Variants in TMEM30B observed in about 807,000 individuals in gnomAD.
TMEM30B encodes the protein cell cycle control protein 50B.
A neutral mutation model predicts 27.9 loss-of-function variants in TMEM30B; 25 were observed. The observed-to-expected ratio is 0.89, with a 90% confidence interval of 0.65 to 1.25. The LOEUF (loss-of-function observed/expected upper bound fraction) is 1.25. Ranked by LOEUF, TMEM30B falls within the 50% of genes most tolerant of loss-of-function variation. The pLI is 0.00. For missense variants in TMEM30B, 536 were observed against 506.5 expected (o/e 1.06, Z -0.56); for synonymous variants, 248 against 238.5 (o/e 1.04, Z -0.37).
Position 61,281,162 on chromosome 14 carries a change from G to T in TMEM30B, c.-15C>A. ...CTCCAGGTCATGGCGGCCGCGCGGGGACCGACGCGCGGGCTGACCGAGTGG... is the reference window on the plus strand; with the variant it reads ...CTCCAGGTCATGGCGGCCGCGCGGGTACCGACGCGCGGGCTGACCGAGTGG... On this transcript the variant is annotated 5_prime_UTR_variant, in exon 1 of 1. Transcript: ENST00000555868. The T allele has an allele frequency of 7.6e-7, 1 of 1,313,108 alleles. No homozygotes were observed. The highest frequency in any genetic ancestry group is 9.7e-7 in the Non-Finnish European group (1 of 1,032,476). The allele number at this position is 1,313,108 out of a possible 1,614,324, so 81.3% of individuals were successfully genotyped here. A position where few individuals can be genotyped will look rare whatever the true frequency, so the allele number is the denominator to read the frequency against.
chr14:61,280,864 GC>G lies in TMEM30B; in HGVS notation c.283del (p.Ala95ProfsTer20). 1 of 1,568,820 alleles carries G rather than the reference GC, an allele frequency of 6.4e-7. No individual in the cohort carries two copies. Among genetic ancestry groups the G allele is most frequent in the Non-Finnish European group, 8.6e-7 (1 of 1,165,532 alleles). On this transcript the variant is annotated frameshift_variant, in exon 1 of 1. Coordinates refer to ENST00000555868, the MANE Select transcript of TMEM30B (RefSeq NM_001017970.3). LOFTEE classifies it high-confidence loss of function. This position sits in a 1 kb window ranked among gnomAD's most constrained non-coding sequence, Gnocchi z 5.0. ...GAGCTCGGGCAGCGAGAAGTACCAG[GC>G]GCACGAGCAGGGGGGCGGCAGCGCC... is the stretch of plus-strand genomic sequence containing the variant. ...GRALPPPCSC[A>X]WYFSLPELFQ... is the part of the protein sequence containing the mutation.
chr14:61,280,905 C>T lies in TMEM30B; in HGVS notation c.243G>A (p.Ala81=). Reference sequence around the variant, plus strand: ...GCGGCAGCGCCCGGCCCTGGCCAGCCGCGGCGCACACCGAGCAGTTACCGG... The same window carrying T: ...GCGGCAGCGCCCGGCCCTGGCCAGCTGCGGCGCACACCGAGCAGTTACCGG... ...PGTGNCSVCA[A]AGQGRALPPP... is the part of the protein sequence containing the mutation. The change falls in exon 1 of 1, where the codon GCG becomes GCA. Residue 81 remains alanine, a synonymous_variant. Coordinates refer to ENST00000555868, the MANE Select transcript of TMEM30B (RefSeq NM_001017970.3). The surrounding 1 kb of genome is among the most constrained non-coding windows in gnomAD (Gnocchi z 5.0). The T allele has an allele frequency of 6.5e-7, 1 of 1,546,794 alleles. No individual in the cohort carries two copies. Among genetic ancestry groups the T allele is most frequent in the Non-Finnish European group, 8.7e-7 (1 of 1,152,030 alleles).
At position 61,281,298 on chromosome 14, in the gene TMEM30B, C is replaced by T. The variant is rs1283088871; in HGVS notation, c.-151G>A. On this transcript the variant is annotated 5_prime_UTR_variant, in exon 1 of 1. Coordinates refer to ENST00000555868, the MANE Select transcript of TMEM30B (RefSeq NM_001017970.3). The stretch of plus-strand genomic sequence containing the variant: ...GTTTTTGCCCGGGCCCCTCCTCTGC[C>T]TCCGTCACAGGTGAGTTTAGTTCCA... 2.5e-6 allele frequency: 1 copy of T among 400,808 alleles called. No individual in the cohort carries two copies. The highest frequency in any genetic ancestry group is 2.1e-5 in the African/African-American group (1 of 47,362). The allele number at this position is 400,808 out of a possible 1,614,324, so 24.8% of individuals were successfully genotyped here. A position where few individuals can be genotyped will look rare whatever the true frequency, so the allele number is the denominator to read the frequency against.
rs2140092759 is a variant in TMEM30B at position 61,280,881 on chromosome 14, C to A, written c.267G>T (p.Pro89=). Residue 89 remains proline (P), a synonymous_variant, in exon 1 of 1, where the codon CCG becomes CCT. Transcript: ENST00000555868. The surrounding 1 kb of genome is among the most constrained non-coding windows in gnomAD (Gnocchi z 5.0). The stretch of plus-strand genomic sequence containing the variant: ...AGTACCAGGCGCACGAGCAGGGGGG[C>A]GGCAGCGCCCGGCCCTGGCCAGCCG... The part of the protein sequence containing the change: ...CAAAGQGRAL[P]PPCSCAWYFS... 3 of 1,553,642 alleles carry A rather than the reference C, an allele frequency of 1.9e-6. No individual in the cohort carries two copies. The highest frequency in any genetic ancestry group is 3.4e-4 in the Middle Eastern group (2 of 5,884).
rs1213707273 is a variant in TMEM30B at position 61,281,125 on chromosome 14, C to A, written c.23G>T (p.Arg8Leu). The A allele has an allele frequency of 7.1e-7, 1 of 1,404,448 alleles. No individual in the cohort carries two copies. The highest frequency in any genetic ancestry group is 2.3e-4 in the Middle Eastern group (1 of 4,310). 87.0% of individuals were successfully genotyped at this position (1,404,448 alleles called of 1,614,324 possible). Reference protein sequence around the residue: MTWSATARGAHQPDNTAF... With the variant: MTWSATALGAHQPDNTAF... ...GGTGTTGTCGGGCTGGTGGGCGCCC[C>A]GGGCCGTGGCGCTCCAGGTCATGGC... Residue 8 changes from arginine (R) to leucine (L), a missense_variant, in exon 1 of 1, where the codon CGG becomes CTG. Physicochemically the swap from Arg to Leu is moderately radical, Grantham distance 102. Transcript: ENST00000555868.
Position 61,280,390 on chromosome 14 carries a change from C to G in TMEM30B, c.758G>C (p.Trp253Ser). 1 of 1,614,022 alleles carries G rather than the reference C, an allele frequency of 6.2e-7. No homozygotes were observed. The highest frequency in any genetic ancestry group is 8.5e-7 in the Non-Finnish European group (1 of 1,179,906). ...CGTGGGCAGCGCCGCCGTGCGCATC[C>G]ACACCACGAAGTCCTGATTGATGAA... ...TGFINQDFVV[W>S]MRTAALPTFR... Residue 253 changes from tryptophan (W) to serine (S), a missense_variant, in exon 1 of 1, where the codon TGG (tryptophan) becomes TCG (serine). Transcript: ENST00000555868. This position sits in a 1 kb window ranked among gnomAD's most constrained non-coding sequence, Gnocchi z 5.0.
At position 61,281,290 on chromosome 14, in the gene TMEM30B, T is replaced by C. The variant is rs995911419; in HGVS notation, c.-143A>G. 1 of 408,220 alleles carries C rather than the reference T, an allele frequency of 2.4e-6. No homozygotes were observed. The highest frequency in any genetic ancestry group is 4.7e-5 in the Admixed American group (1 of 21,390). The allele number at this position is 408,220 out of a possible 1,614,324, so 25.3% of individuals were successfully genotyped here. A position where few individuals can be genotyped will look rare whatever the true frequency, so the allele number is the denominator to read the frequency against. On this transcript the variant is annotated 5_prime_UTR_variant, in exon 1 of 1. Transcript: ENST00000555868. ...TCAGGTGGGTTTTTGCCCGGGCCCC[T>C]CCTCTGCCTCCGTCACAGGTGAGTT...
chr14:61,280,244 GGAGCTTGTGGC>G lies in TMEM30B; in HGVS notation c.893_903del (p.Gly298AlafsTer92). 6.2e-7 allele frequency: 1 copy of G among 1,614,162 alleles called. No individual in the cohort carries two copies. Among genetic ancestry groups the G allele is most frequent in the South Asian group, 1.1e-5 (1 of 91,078 alleles). On this transcript the variant is annotated frameshift_variant, in exon 1 of 1. Coordinates refer to ENST00000555868, the MANE Select transcript of TMEM30B (RefSeq NM_001017970.3). LOFTEE classifies it high-confidence loss of function. This position sits in a 1 kb window ranked among gnomAD's most constrained non-coding sequence, Gnocchi z 5.0. ...ATCCACGAGATGCTGCTGAAGATGAGGAGCTTGTGGCCGCCGAACGCGCGCACCGGGTAGTT... is the reference window on the plus strand; with the variant it reads ...ATCCACGAGATGCTGCTGAAGATGAGCGCCGAACGCGCGCACCGGGTAGTT...
Position 61,280,768 on chromosome 14 carries a change from G to C in TMEM30B, c.380C>G (p.Ser127Cys). The change falls in exon 1 of 1, where the codon TCC becomes TGC. Residue 127 changes from serine to cysteine, a missense_variant. Transcript: ENST00000555868. The surrounding 1 kb of genome is among the most constrained non-coding windows in gnomAD (Gnocchi z 5.0). ...FYQNNRRYGVSRDDAQLSGLP... is the reference protein window; with the variant it reads ...FYQNNRRYGVCRDDAQLSGLP... Reference sequence around the variant, plus strand: ...TCCGCTCAGCTGCGCGTCGTCGCGGGACACGCCGTAGCGCCGGTTGTTCTG... The same window carrying C: ...TCCGCTCAGCTGCGCGTCGTCGCGGCACACGCCGTAGCGCCGGTTGTTCTG... 6.4e-7 allele frequency: 1 copy of C among 1,558,064 alleles called. No individual in the cohort carries two copies. The highest frequency in any genetic ancestry group is 1.2e-5 in the South Asian group (1 of 83,488).
chr14:61,280,536 G>A lies in TMEM30B; in HGVS notation c.612C>T (p.Val204=). 2.5e-6 allele frequency: 4 copies of A among 1,612,312 alleles called. No individual in the cohort carries two copies. The highest frequency in any genetic ancestry group is 2.5e-6 in the Non-Finnish European group (3 of 1,179,452). The stretch of plus-strand genomic sequence containing the variant: ...TGACCAGCGGCGGGTTGCGGAACTT[G>A]ACGTGGTAGTCGGTCCACCAGGCGA... ...SGIAWWTDYH[V]KFRNPPLVNG... is the part of the protein sequence containing the mutation. Residue 204 remains valine, a synonymous_variant, in exon 1 of 1, where the codon GTC becomes GTT. Coordinates refer to ENST00000555868, the MANE Select transcript of TMEM30B (RefSeq NM_001017970.3). This position sits in a 1 kb window ranked among gnomAD's most constrained non-coding sequence, Gnocchi z 5.0.
At position 61,279,915 on chromosome 14, in the gene TMEM30B, A is replaced by C. The variant is rs545082071; in HGVS notation, c.*177T>G. 5.0e-6 allele frequency: 3 copies of C among 595,816 alleles called. No individual in the cohort carries two copies. The highest frequency in any genetic ancestry group is 6.3e-5 in the Admixed American group (2 of 31,600). The allele number at this position is 595,816 out of a possible 1,614,324, so 36.9% of individuals were successfully genotyped here. A position where few individuals can be genotyped will look rare whatever the true frequency, so the allele number is the denominator to read the frequency against. On this transcript the variant is annotated 3_prime_UTR_variant, in exon 1 of 1. Coordinates refer to ENST00000555868, the MANE Select transcript of TMEM30B (RefSeq NM_001017970.3). ...GCAGTCAACATCCCTCCCCGCGGCA[A>C]GACAGTCTAGCAGCCCCCCAAGAGC... is the stretch of plus-strand genomic sequence containing the variant.
At position 61,281,194 on chromosome 14, in the gene TMEM30B, C is replaced by T; in HGVS notation, c.-47G>A. 2 of 1,158,706 alleles carry T rather than the reference C, an allele frequency of 1.7e-6. No individual in the cohort carries two copies. The highest frequency in any genetic ancestry group is 3.7e-5 in the South Asian group (1 of 26,756). The allele number at this position is 1,158,706 out of a possible 1,614,324, so 71.8% of individuals were successfully genotyped here. A position where few individuals can be genotyped will look rare whatever the true frequency, so the allele number is the denominator to read the frequency against. On this transcript the variant is annotated 5_prime_UTR_variant, in exon 1 of 1. Transcript: ENST00000555868. ...GCGCGGGCTGACCGAGTGGGGGCCC[C>T]GCCGCGGGGCGCCTCCCTCTCCGCG...
Position 61,280,204 on chromosome 14 carries a change from G to C in TMEM30B, c.944C>G (p.Pro315Arg). The change falls in exon 1 of 1, where the codon CCC (proline) becomes CGC (arginine). Residue 315 changes from proline to arginine, a missense_variant. Physicochemically the swap from Pro to Arg is moderately radical, Grantham distance 103. Coordinates refer to ENST00000555868, the MANE Select transcript of TMEM30B (RefSeq NM_001017970.3). The surrounding 1 kb of genome is among the most constrained non-coding windows in gnomAD (Gnocchi z 5.0). ...GACCAGGTAGGCGATGCCCAGGAAGGGGTTCTTGCCACCCATCCACGAGAT... is the reference window on the plus strand; with the variant it reads ...GACCAGGTAGGCGATGCCCAGGAAGCGGTTCTTGCCACCCATCCACGAGAT... The part of the protein sequence containing the change: ...SSISWMGGKN[P>R]FLGIAYLVVG... The C allele has an allele frequency of 6.2e-7, 1 of 1,614,114 alleles. No homozygotes were observed. Among genetic ancestry groups the C allele is most frequent in the Non-Finnish European group, 8.5e-7 (1 of 1,180,004 alleles).
In TMEM30B at chr14:61,281,181, C is replaced by G; in HGVS notation, c.-34G>C. ...CGCGGGGACCGACGCGCGGGCTGAC[C>G]GAGTGGGGGCCCCGCCGCGGGGCGC... On this transcript the variant is annotated 5_prime_UTR_variant, in exon 1 of 1. Coordinates refer to ENST00000555868, the MANE Select transcript of TMEM30B (RefSeq NM_001017970.3). The G allele has an allele frequency of 8.0e-7, 1 of 1,256,302 alleles. No individual in the cohort carries two copies. The highest frequency in any genetic ancestry group is 3.2e-5 in the South Asian group (1 of 31,118). The allele number at this position is 1,256,302 out of a possible 1,614,324, so 77.8% of individuals were successfully genotyped here.
At position 61,280,720 on chromosome 14, in the gene TMEM30B, G is replaced by T. The variant is rs745763965; in HGVS notation, c.428C>A (p.Pro143His). 9 of 1,578,256 alleles carry T rather than the reference G, an allele frequency of 5.7e-6. No individual in the cohort carries two copies. The South Asian group carries it at 1.0e-4, about 18-fold the overall frequency. ...CTGGTAGGGGGCGCACTCGTTGACA[G>T]GGTGGCGCAGCGCGCTGGGGAGTCC... ...LSGLPSALRHPVNECAPYQRS... is the reference protein window; with the variant it reads ...LSGLPSALRHHVNECAPYQRS... Residue 143 changes from proline (P) to histidine (H), a missense_variant, in exon 1 of 1, where the codon CCT becomes CAT. Physicochemically the swap from Pro to His is moderately conservative, Grantham distance 77. Transcript: ENST00000555868. This position sits in a 1 kb window ranked among gnomAD's most constrained non-coding sequence, Gnocchi z 5.0.
Position 61,280,704 on chromosome 14 carries a change from G to A in TMEM30B, c.444C>T (p.Ala148=). ...GGCCGGCCGCGCTGCGCTGGTAGGG[G>A]GCGCACTCGTTGACAGGGTGGCGCA... ...SALRHPVNEC[A]PYQRSAAGLP... is the part of the protein sequence containing the mutation. The change falls in exon 1 of 1, where the codon GCC becomes GCT. Residue 148 remains alanine (A), a synonymous_variant. Transcript: ENST00000555868. The surrounding 1 kb of genome is among the most constrained non-coding windows in gnomAD (Gnocchi z 5.0). 6 of 1,579,306 alleles carry A rather than the reference G, an allele frequency of 3.8e-6. No individual in the cohort carries two copies. The highest frequency in any genetic ancestry group is 5.1e-6 in the Non-Finnish European group (6 of 1,165,858).
chr14:61,281,287 C>G lies in TMEM30B; in HGVS notation c.-140G>C. On this transcript the variant is annotated 5_prime_UTR_variant, in exon 1 of 1. Coordinates refer to ENST00000555868, the MANE Select transcript of TMEM30B (RefSeq NM_001017970.3). Reference sequence around the variant, plus strand: ...AGCTCAGGTGGGTTTTTGCCCGGGCCCCTCCTCTGCCTCCGTCACAGGTGA... The same window carrying G: ...AGCTCAGGTGGGTTTTTGCCCGGGCGCCTCCTCTGCCTCCGTCACAGGTGA... 2.4e-6 allele frequency: 1 copy of G among 414,300 alleles called. No homozygotes were observed. The highest frequency in any genetic ancestry group is 4.1e-5 in the East Asian group (1 of 24,358). The allele number at this position is 414,300 out of a possible 1,614,324, so 25.7% of individuals were successfully genotyped here. A position where few individuals can be genotyped will look rare whatever the true frequency, so the allele number is the denominator to read the frequency against.
In TMEM30B at chr14:61,280,705, G is replaced by A. The variant is rs770909672; in HGVS notation, c.443C>T (p.Ala148Val). 8 of 1,579,220 alleles carry A rather than the reference G, an allele frequency of 5.1e-6. No homozygotes were observed. The East Asian group carries it at 1.4e-4, about 27-fold the overall frequency. The part of the protein sequence containing the change: ...SALRHPVNEC[A>V]PYQRSAAGLP... Reference sequence around the variant, plus strand: ...GCCGGCCGCGCTGCGCTGGTAGGGGGCGCACTCGTTGACAGGGTGGCGCAG... The same window carrying A: ...GCCGGCCGCGCTGCGCTGGTAGGGGACGCACTCGTTGACAGGGTGGCGCAG... Residue 148 changes from alanine to valine, a missense_variant, in exon 1 of 1, where the codon GCC becomes GTC. Transcript: ENST00000555868. The surrounding 1 kb of genome is among the most constrained non-coding windows in gnomAD (Gnocchi z 5.0).
rs1409917308 is a variant in TMEM30B, at chr14:61,279,726, G to C, written c.*366C>G. On this transcript the variant is annotated 3_prime_UTR_variant, in exon 1 of 1. Coordinates refer to ENST00000555868, the MANE Select transcript of TMEM30B (RefSeq NM_001017970.3). ...ATTCAGGAGTCACTTGCAGCTGCCTGATCTTTGTTACTTCACATTGCTAGG... is the reference window on the plus strand; with the variant it reads ...ATTCAGGAGTCACTTGCAGCTGCCTCATCTTTGTTACTTCACATTGCTAGG... 4.8e-6 allele frequency: 1 copy of C among 206,612 alleles called. No individual in the cohort carries two copies. The highest frequency in any genetic ancestry group is 2.3e-5 in the African/African-American group (1 of 42,734). The allele number at this position is 206,612 out of a possible 1,614,324, so 12.8% of individuals were successfully genotyped here.
Sources: gnomAD v4.1 joint callset for allele counts on GRCh38, gnomAD v4.1.1 for gene constraint, Gnocchi (gnomAD v3.1) non-coding constraint, MANE v1.5 for transcripts, NCBI Gene and HGNC (gene_info 2026-07-23, HGNC 2026-07-21) for gene names.